Variants in ERBB4 observed in about 807,000 individuals in gnomAD.
ERBB4 encodes erb-b2 receptor tyrosine kinase 4, also known as receptor tyrosine-protein kinase erbB-4.
ERBB4 carries 42 observed loss-of-function variants against 158.0 expected under a neutral mutation model. That is an observed-to-expected ratio of 0.27 (90% CI 0.21 to 0.34). The LOEUF (loss-of-function observed/expected upper bound fraction) is 0.34. Ranked by LOEUF, ERBB4 falls within the 10% of genes least tolerant of loss-of-function variation. The pLI is 1.00. For missense variants in ERBB4, 1,333 were observed against 1,624.1 expected (o/e 0.82, Z 3.08); for synonymous variants, 583 against 558.7 (o/e 1.04, Z -0.61).
rs5838315 is a variant in ERBB4 at position 212,306,716 on chromosome 2, AT to A, written c.83-181814del. ...ACCCTAACATTTGGTGCTGCCACTT[AT>A]TTTTTTTTACTAGTGTTCTAATTTA... On this transcript the variant is annotated intron_variant, in intron 1 of 27. Coordinates refer to ENST00000342788, the MANE Select transcript of ERBB4 (RefSeq NM_005235.3). Among the ~76,000 whole-genome samples the A allele has an allele frequency of 3.0e-3, 445 of 149,954 alleles. 3 individuals are homozygous for A. The highest frequency in any genetic ancestry group is 0.01 in the African/African-American group (428 of 41,070).
intron 1 of ERBB4, among the ~76,000 whole-genome samples, chr2:212,345,644 T>C (rs1305511832): frequency 1.3e-5 from 2 of 152,208 alleles, no homozygotes; most frequent in Non-Finnish European, 2.9e-5. Flanking sequence ...AACAGGTATA[T>C]AGTTATTCTC....
At chr2:211,956,360 C>T (rs1228564854) in intron 2 of ERBB4, among the ~76,000 whole-genome samples, 1 of 152,064 alleles carries the variant, frequency 6.6e-6, no homozygotes, top group Admixed American at 6.6e-5. Context: ...TTTCGTACAA[C>T]TGAAGCTATA....
At chr2:212,426,848 T>TAC (rs1468587736) in intron 1 of ERBB4, among the ~76,000 whole-genome samples, 1 of 152,098 alleles carries the variant, frequency 6.6e-6, no homozygotes, top group Non-Finnish European at 1.5e-5. Context: ...GGGGTAGCCA[T>TAC]ACTCTAGCCA....
intron 3 of ERBB4, among the ~76,000 whole-genome samples, chr2:211,856,045 A>G (rs2077850661): frequency 6.6e-6 from 1 of 152,204 alleles, no homozygotes; most frequent in Admixed American, 6.5e-5. Flanking sequence ...GTACACTAAA[A>G]GCTAAGAATT....
At chr2:211,801,128 TAAAG>T (rs1050662659) in intron 3 of ERBB4, among the ~76,000 whole-genome samples, 2 of 152,074 alleles carry the variant, frequency 1.3e-5, no homozygotes, top group African/African-American at 4.8e-5. Context: ...GTAATTCACA[TAAAG>T]AAAGCAAAAG....
intron 19 of ERBB4, among the ~76,000 whole-genome samples, chr2:211,581,136 G>A (rs936432706): frequency 6.6e-6 from 1 of 150,890 alleles, no homozygotes; most frequent in African/African-American, 2.4e-5. Flanking sequence ...GGGAGGGGGT[G>A]AAGCATACAA....
chr2:211,908,939 TA>T (rs1239817616), intron 3 of ERBB4, among the ~76,000 whole-genome samples: 1 of 151,708 alleles, frequency 6.6e-6, no homozygotes, highest in African/African-American at 2.4e-5. Context: ...TCTAAGCTAA[TA>T]AAAAAATTTA....
intron 20 of ERBB4, among the ~76,000 whole-genome samples, chr2:211,499,499 GC>G (rs2065562202): frequency 6.6e-6 from 1 of 151,980 alleles, no homozygotes; most frequent in South Asian, 2.1e-4. Context: ...CTCCAGCCTG[GC>G]AACAGAGCGA....
intron 2 of ERBB4, among the ~76,000 whole-genome samples, chr2:212,093,959 C>T (rs988632333): frequency 1.3e-5 from 2 of 151,480 alleles, no homozygotes; most frequent in Non-Finnish European, 2.9e-5. Flanking sequence ...CAGTAAGAGA[C>T]AATGAAAATA....
intron 1 of ERBB4, among the ~76,000 whole-genome samples, chr2:212,249,767 T>C (rs776291583): frequency 8.5e-5 from 13 of 152,146 alleles, no homozygotes; most frequent in Non-Finnish European, 1.6e-4. Context: ...GAAGCAAACA[T>C]TGTATTATGC....
At chr2:211,425,914 G>A (rs1434903180) in intron 22 of ERBB4, among the ~76,000 whole-genome samples, 3 of 151,990 alleles carry the variant, frequency 2.0e-5, no homozygotes, top group African/African-American at 7.2e-5. Context: ...AAACTCCTGG[G>A]TTTGAGCCAT....
intron 14 of ERBB4, among the ~76,000 whole-genome samples, chr2:211,670,998 T>A (rs1314008404): frequency 1.3e-5 from 2 of 152,120 alleles, no homozygotes; most frequent in African/African-American, 4.8e-5. Context: ...GACATGGGAT[T>A]TTTTTTATGA....
At chr2:212,384,479 C>T (rs1184346342) in intron 1 of ERBB4, among the ~76,000 whole-genome samples, 1 of 151,672 alleles carries the variant, frequency 6.6e-6, no homozygotes, top group Non-Finnish European at 1.5e-5. Flanking sequence ...TTCTACCATT[C>T]TGCTTCCAAA....
intron 3 of ERBB4, among the ~76,000 whole-genome samples, chr2:211,875,043 A>C (rs890436907): frequency 2.3e-4 from 26 of 114,312 alleles, no homozygotes; most frequent in Non-Finnish European, 5.4e-4. Flanking sequence ...AAAAAAAAAA[A>C]AAAAAAACAA....
At chr2:211,948,645 T>G (rs966705514) in intron 2 of ERBB4, among the ~76,000 whole-genome samples, 5 of 151,880 alleles carry the variant, frequency 3.3e-5, no homozygotes, top group African/African-American at 1.2e-4. Context: ...TGATGATAAA[T>G]AGTTGTCAGA....
chr2:211,829,207 C>G (rs891900983), intron 3 of ERBB4, among the ~76,000 whole-genome samples: 2 of 152,286 alleles, frequency 1.3e-5, no homozygotes, highest in Non-Finnish European at 2.9e-5. Context: ...TATGCCTTCT[C>G]CAATCTGAAC....
intron 15 of ERBB4, among the ~76,000 whole-genome samples, chr2:211,662,136 A>C (rs907759077): frequency 1.3e-5 from 2 of 150,798 alleles, no homozygotes; most frequent in Non-Finnish European, 3.0e-5. Flanking sequence ...TAATATCAAC[A>C]AAAACATGCA....
At chr2:212,201,439 G>A (rs1230300345) in intron 1 of ERBB4, among the ~76,000 whole-genome samples, 2 of 151,990 alleles carry the variant, frequency 1.3e-5, no homozygotes, top group Non-Finnish European at 2.9e-5. Flanking sequence ...ATGGTATTCT[G>A]GACTGTTATA....
intron 1 of ERBB4, among the ~76,000 whole-genome samples, chr2:212,268,861 C>A (rs1048660601): frequency 6.6e-6 from 1 of 151,794 alleles, no homozygotes; most frequent in Non-Finnish European, 1.5e-5. Flanking sequence ...ATAAATTATT[C>A]ACATTGTCAC....
Sources: gnomAD v4.1 joint callset for allele counts (sites outside exome capture counted in the v4.1 genomes callset) on GRCh38, gnomAD v4.1.1 for gene constraint, MANE v1.5 for transcripts, NCBI Gene and HGNC (gene_info 2026-07-23, HGNC 2026-07-21) for gene names.